Variants in ATAD3A observed in about 807,000 individuals in gnomAD.
ATAD3A encodes ATPase family AAA domain-containing protein 3A.
Under a neutral mutation model 73.8 loss-of-function variants are expected in ATAD3A, and 46 were observed. The ratio of observed to expected loss-of-function variants is 0.62; its 90% CI spans 0.49 to 0.80. ATAD3A has a LOEUF of 0.80. Among genes scored for constraint, ATAD3A ranks in the 30% least tolerant of loss-of-function variants. The probability of loss-of-function intolerance (pLI) is 0.00; values close to 1 mark genes in which losing one functional copy is unlikely to be tolerated. For synonymous variants in ATAD3A, 319 were observed against 350.0 expected (o/e 0.91, Z 0.99); for missense variants, 705 against 838.0 (o/e 0.84, Z 1.96).
chr1:1,519,553 GT>G (rs1244856812), intron 5 of ATAD3A, among the ~76,000 whole-genome samples: 6 of 69,324 alleles, frequency 8.7e-5, no homozygotes, highest in African/African-American at 2.3e-4. Flanking sequence ...TACTGTCCTG[GT>G]TTCAGTGGGG....
chr1:1,525,061 A>C (rs1424817914), intron 11 of ATAD3A, among the ~76,000 whole-genome samples, 179 bp from the exon 12 acceptor site: 1 of 152,174 alleles, frequency 6.6e-6, no homozygotes, highest in East Asian at 1.9e-4. Context: ...GGCCGTGGTC[A>C]GCTGCCCAGA....
rs369621915 is a variant in ATAD3A, at chr1:1,527,798, C to T, written c.1441C>T (p.Arg481Trp). 7.4e-6 allele frequency: 12 copies of T among 1,613,916 alleles called. No homozygotes were observed. Among genetic ancestry groups the T allele is most frequent in the Non-Finnish European group, 9.3e-6 (11 of 1,179,990 alleles). ...CTTCGACCTGCCAGGGCAGGAGGAA[C>T]GGGAGCGCCTGGTGAGAATGTATTT... is the stretch of plus-strand genomic sequence containing the variant. Reference protein sequence around the residue: ...VHFDLPGQEERERLVRMYFDK... With the variant: ...VHFDLPGQEEWERLVRMYFDK... Residue 481 changes from arginine (R) to tryptophan (W), a missense_variant, in exon 14 of 16, where the codon CGG becomes TGG. Transcript: ENST00000378756.
chr1:1,524,365 G>C lies in ATAD3A; in HGVS notation c.1182G>C (p.Lys394Asn). 1 of 1,610,824 alleles carries C rather than the reference G, an allele frequency of 6.2e-7. No homozygotes were observed. The highest frequency in any genetic ancestry group is 8.5e-7 in the Non-Finnish European group (1 of 1,178,716). The change falls in exon 11 of 16, where the codon AAG (lysine) becomes AAC (asparagine). Residue 394 changes from lysine (K) to asparagine (N), a missense_variant. Physicochemically the swap from Lys to Asn is moderately conservative, Grantham distance 94. This residue lies in a region of ATAD3A where 252 missense variants were observed against 278.5 expected (regional missense o/e 0.90). Coordinates refer to ENST00000378756, the MANE Select transcript of ATAD3A (RefSeq NM_001170535.3). ...GGGAAGGCGTGACCGCCATGCACAAGCTCTTTGACTGGGCCAATACCAGCC... is the reference window on the plus strand; with the variant it reads ...GGGAAGGCGTGACCGCCATGCACAACCTCTTTGACTGGGCCAATACCAGCC... ...MGREGVTAMHKLFDWANTSRR... is the reference protein window; with the variant it reads ...MGREGVTAMHNLFDWANTSRR...
chr1:1,517,594 C>G, intron 3 of ATAD3A, 122 bp from the exon 4 acceptor site: 2 of 757,146 alleles, frequency 2.6e-6, no homozygotes, highest in Non-Finnish European at 4.2e-6. Flanking sequence ...GACGGGAGGT[C>G]CCCGCGCCTC....
intron 4 of ATAD3A, among the ~76,000 whole-genome samples, chr1:1,518,686 C>G (rs1641473109): frequency 1.7e-5 from 2 of 119,720 alleles, no homozygotes; most frequent in African/African-American, 3.5e-5. Flanking sequence ...CACACACACA[C>G]ACACCCAAAC....
chr1:1,518,621 A>ACT (rs1553125091), intron 4 of ATAD3A, among the ~76,000 whole-genome samples: 59 of 38,092 alleles, frequency 1.5e-3, no homozygotes, highest in African/African-American at 2.5e-3. Context: ...GGGCGTACAC[A>ACT]CCCCCCCCCA....
At chr1:1,522,614 T>C (rs544270292) in intron 7 of ATAD3A, 130 bp from the exon 8 acceptor site, 90 of 1,506,482 alleles carry the variant, frequency 6.0e-5, no homozygotes, top group Admixed American at 4.5e-4. Context: ...TTCGCGTTCC[T>C]GTGGGGCCAG....
At chr1:1,518,788 C>A in intron 4 of ATAD3A, 133 bp from the exon 5 acceptor site, 1 of 1,553,838 alleles carries the variant, frequency 6.4e-7, no homozygotes, top group Admixed American at 1.8e-5. Flanking sequence ...TCACCCCCCG[C>A]AAACGGGCAC....
chr1:1,516,890 T>C (rs1164310856), intron 2 of ATAD3A, among the ~76,000 whole-genome samples: 1 of 152,054 alleles, frequency 6.6e-6, no homozygotes, highest in African/African-American at 2.4e-5. Flanking sequence ...TTTTGTATTT[T>C]TAGTAGAGAT....
intron 1 of ATAD3A, among the ~76,000 whole-genome samples, chr1:1,514,169 C>T (rs1383964914): frequency 6.6e-6 from 1 of 152,184 alleles, no homozygotes; most frequent in Non-Finnish European, 1.5e-5. Context: ...GGGCACCTGA[C>T]CTGCTCTTTC....
Position 1,517,443 on chromosome 1 carries a change from G to A in ATAD3A, c.384+31G>A, listed in dbSNP as rs780519970. The A allele has an allele frequency of 6.1e-5, 90 of 1,466,434 alleles. 1 individual carries two copies. Among genetic ancestry groups the A allele is most frequent in the African/African-American group, 1.3e-4 (8 of 63,256 alleles). The allele number at this position is 1,466,434 out of a possible 1,614,324, so 90.8% of individuals were successfully genotyped here. A position where few individuals can be genotyped will look rare whatever the true frequency, so the allele number is the denominator to read the frequency against. ...AGCGCAAGAGGCCGCGAGGGAGGCCGCCCGGCTGCGGGGAGCGGCCTGGGG... is the reference window on the plus strand; with the variant it reads ...AGCGCAAGAGGCCGCGAGGGAGGCCACCCGGCTGCGGGGAGCGGCCTGGGG... On this transcript the variant is annotated intron_variant, in intron 3 of 15. Coordinates refer to ENST00000378756, the MANE Select transcript of ATAD3A (RefSeq NM_001170535.3).
At chr1:1,530,715 G>C (rs1294947134) in intron 15 of ATAD3A, among the ~76,000 whole-genome samples, 1 of 120,282 alleles carries the variant, frequency 8.3e-6, no homozygotes. Context: ...TGTAGTCCCA[G>C]CTACTTGGGA....
rs150580064 is a variant in ATAD3A at position 1,523,901 on chromosome 1, C to A, written c.1026C>A (p.Arg342=). Residue 342 remains arginine (R), a synonymous_variant, in exon 10 of 16, where the codon CGC becomes CGA. Transcript: ENST00000378756. The surrounding 1 kb of genome is among the most constrained non-coding windows in gnomAD (Gnocchi z 5.1). ...AIATRNTKKN[R]SLYRNILMYG... is the part of the protein sequence containing the mutation. ...CAACAAGGAACACCAAGAAGAACCG[C>A]AGCCTGTACAGGAACATCCTGATGT... 6.6e-5 allele frequency: 107 copies of A among 1,614,006 alleles called. No homozygotes were observed. In the African/African-American group the frequency reaches 1.3e-3, roughly 19 times the overall value.
chr1:1,520,335 A>C lies in ATAD3A; in HGVS notation c.680+29A>C. On this transcript the variant is annotated intron_variant, in intron 6 of 15. Transcript: ENST00000378756. This position sits in a 1 kb window ranked among gnomAD's most constrained non-coding sequence, Gnocchi z 4.0. ...AGCACTGCCGAGGCCCGGGCCGGCC[A>C]CAGATGGAGCCCCGCAGGTGTGAGT... 6.2e-7 allele frequency: 1 copy of C among 1,606,050 alleles called. No homozygotes were observed. Among genetic ancestry groups the C allele is most frequent in the South Asian group, 1.1e-5 (1 of 90,868 alleles).
intron 1 of ATAD3A, among the ~76,000 whole-genome samples, chr1:1,513,724 G>A (rs946054986): frequency 6.6e-6 from 1 of 151,784 alleles, no homozygotes; most frequent in Non-Finnish European, 1.5e-5. Context: ...CCCCTGCCCT[G>A]CCCCTCTGCC....
chr1:1,532,803 C>T (rs9439463), intron 15 of ATAD3A, among the ~76,000 whole-genome samples: 15 of 152,190 alleles, frequency 9.9e-5, no homozygotes, highest in African/African-American at 3.4e-4. Flanking sequence ...AGTGGTGGTG[C>T]GGCTCTGGTC....
Position 1,517,264 on chromosome 1 carries a change from G to A in ATAD3A, c.283-47G>A, listed in dbSNP as rs1278887491. On this transcript the variant is annotated intron_variant, in intron 2 of 15. Coordinates refer to ENST00000378756, the MANE Select transcript of ATAD3A (RefSeq NM_001170535.3). ...CAGACACAGGAGCGGCTGTCAGGCA[G>A]TGCCAGCCCTGAGCAAGTGCCAGCT... 6.5e-7 allele frequency: 1 copy of A among 1,547,368 alleles called. No homozygotes were observed. Among genetic ancestry groups the A allele is most frequent in the Non-Finnish European group, 8.7e-7 (1 of 1,146,938 alleles).
In ATAD3A at chr1:1,523,675, C is replaced by T. The variant is rs779370561; in HGVS notation, c.963+108C>T. On this transcript the variant is annotated intron_variant, in intron 9 of 15. Coordinates refer to ENST00000378756, the MANE Select transcript of ATAD3A (RefSeq NM_001170535.3). The surrounding 1 kb of genome is among the most constrained non-coding windows in gnomAD (Gnocchi z 5.1). Reference sequence around the variant, plus strand: ...TGGTGGCACCCAGGAGCTTTTGGGTCCTGAGATGCGACTGCTTGGACCGTG... The same window carrying T: ...TGGTGGCACCCAGGAGCTTTTGGGTTCTGAGATGCGACTGCTTGGACCGTG... 3 of 1,594,466 alleles carry T rather than the reference C, an allele frequency of 1.9e-6. No individual in the cohort carries two copies. Among genetic ancestry groups the T allele is most frequent in the Non-Finnish European group, 2.6e-6 (3 of 1,169,188 alleles).
At position 1,527,890 on chromosome 1, in the gene ATAD3A, T is replaced by C. The variant is rs186559924; in HGVS notation, c.1505+28T>C. 685 of 1,600,042 alleles carry C rather than the reference T, an allele frequency of 4.3e-4. 3 individuals are homozygous for C. In the East Asian group the frequency reaches 0.013, roughly 31 times the overall value. On this transcript the variant is annotated intron_variant, in intron 14 of 15. Transcript: ENST00000378756. ...AAGTGTCCCGCCCCACCAGCCCCCG[T>C]CCAGGGGCCCTCGCTCAGGGTCCAC...
Sources: gnomAD v4.1 joint callset for allele counts (sites outside exome capture counted in the v4.1 genomes callset) on GRCh38, gnomAD v4.1.1 for gene constraint, gnomAD v4.1.1 regional missense constraint, Gnocchi (gnomAD v3.1) non-coding constraint, MANE v1.5 for transcripts, NCBI Gene and HGNC (gene_info 2026-07-23, HGNC 2026-07-21) for gene names.